Variants in LRRC37A3 observed in about 807,000 individuals in gnomAD.
LRRC37A3 encodes the protein leucine-rich repeat-containing protein 37A3.
A neutral mutation model predicts 106.2 loss-of-function variants in LRRC37A3; 25 were observed. The observed-to-expected ratio is 0.24, with a 90% CI of 0.17 to 0.33. LRRC37A3 has a LOEUF of 0.33. Among genes scored for constraint, LRRC37A3 ranks in the 10% least tolerant of loss-of-function variants. The pLI is 1.00. For missense variants in LRRC37A3, 712 were observed against 1,644.9 expected (o/e 0.43, Z 9.81); for synonymous variants, 305 against 635.8 (o/e 0.48, Z 7.83).
At chr17:64,866,267 A>T (rs1266378803) in intron 10 of LRRC37A3, among the ~76,000 whole-genome samples, 2 of 152,050 alleles carry the variant, frequency 1.3e-5, no homozygotes, top group Non-Finnish European at 2.9e-5. Context: ...GATCCAGCTG[A>T]CGGGGAAGAT....
At chr17:64,881,615 CAGA>C (rs1409487726) in intron 8 of LRRC37A3, among the ~76,000 whole-genome samples, 1 of 125,146 alleles carries the variant, frequency 8.0e-6, no homozygotes, top group Non-Finnish European at 1.6e-5. Context: ...TGAGCAACAA[CAGA>C]AGAAGCAAGG....
chr17:64,896,681 C>G lies in LRRC37A3; in HGVS notation c.577G>C (p.Gly193Arg), dbSNP rs369609994. Residue 193 changes from glycine to arginine, a missense_variant, in exon 4 of 15, where the codon GGT becomes CGT. Physicochemically the swap from Gly to Arg is moderately radical, Grantham distance 125. Coordinates refer to ENST00000584306, the MANE Select transcript of LRRC37A3 (RefSeq NM_199340.5). ...EYSSTDTPYP[G>R]SLPPELRVKS... ...ACCCGGAGTTCTGGAGGCAGGCTAC[C>G]GGGATACGGTGTATCTGTACTGGAA... The G allele has an allele frequency of 1.3e-6, 2 of 1,595,362 alleles. No homozygotes were observed. Among genetic ancestry groups the G allele is most frequent in the East Asian group, 2.2e-5 (1 of 44,770 alleles).
chr17:64,860,677 C>T lies in LRRC37A3; in HGVS notation c.3469G>A (p.Val1157Ile). The change falls in exon 12 of 15, where the codon GTA becomes ATA. Residue 1157 changes from valine (V) to isoleucine (I), a missense_variant. Physicochemically the swap from Val to Ile is conservative, Grantham distance 29 (BLOSUM62 3). Transcript: ENST00000584306. ...TTCAGTCTCTGCCGGTTTTTGCCTA[C>T]AGTTTGAATCTTTGCCAGGCTGTTT... ...TGNSLAKIQT[V>I]GKNRQRLNRV... 1 of 1,614,006 alleles carries T rather than the reference C, an allele frequency of 6.2e-7. No individual in the cohort carries two copies. The highest frequency in any genetic ancestry group is 8.5e-7 in the Non-Finnish European group (1 of 1,179,884).
At chr17:64,876,256 C>G (rs1973511088) in intron 8 of LRRC37A3, among the ~76,000 whole-genome samples, 1 of 152,228 alleles carries the variant, frequency 6.6e-6, no homozygotes, top group Non-Finnish European at 1.5e-5. Flanking sequence ...AATCATGGCT[C>G]ACTGCAGCCC....
chr17:64,875,904 G>C (rs934807542), intron 8 of LRRC37A3, among the ~76,000 whole-genome samples: 1 of 152,132 alleles, frequency 6.6e-6, no homozygotes, highest in Non-Finnish European at 1.5e-5. Flanking sequence ...TATAAAGGAG[G>C]GGGTGAGAGT....
intron 8 of LRRC37A3, among the ~76,000 whole-genome samples, chr17:64,880,516 T>C (rs149440660): frequency 0.015 from 2,242 of 152,304 alleles, 31 homozygotes; most frequent in Middle Eastern, 0.061. Context: ...ATTTTATACA[T>C]TAAACTAAGG....
intron 8 of LRRC37A3, among the ~76,000 whole-genome samples, chr17:64,876,206 A>T (rs1358619804): frequency 6.6e-6 from 1 of 152,130 alleles, no homozygotes; most frequent in Non-Finnish European, 1.5e-5. Flanking sequence ...ATTTTTCAAG[A>T]CAGGTTTTCA....
chr17:64,876,017 C>T lies in LRRC37A3; in HGVS notation c.2907-6851G>A, dbSNP rs546646970. ...TAAGATGTAGCTGAGACGACAGATG[C>T]GCACCACCACACTCGGCTAACTAAA... On this transcript the variant is annotated intron_variant, in intron 8 of 14. Coordinates refer to ENST00000584306, the MANE Select transcript of LRRC37A3 (RefSeq NM_199340.5). 4.9e-4 allele frequency among the ~76,000 whole-genome samples: 74 copies of T among 152,182 alleles called. No individual in the cohort carries two copies. The Middle Eastern group carries it at 0.014, about 28-fold the overall frequency.
intron 8 of LRRC37A3, among the ~76,000 whole-genome samples, chr17:64,882,745 T>A (rs988251238): frequency 6.6e-6 from 1 of 151,940 alleles, no homozygotes; most frequent in African/African-American, 2.4e-5. Flanking sequence ...ATTCTAATAG[T>A]GGGATAAATA....
At chr17:64,855,787 G>C (rs1343468188) in intron 14 of LRRC37A3, 53 bp downstream of exon 14, 2 of 1,608,576 alleles carry the variant, frequency 1.2e-6, no homozygotes, top group African/African-American at 2.7e-5. Flanking sequence ...GGCAACAAGA[G>C]GGAAACTCCG....
intron 2 of LRRC37A3, chr17:64,899,073 A>AGGTAT (rs1320775264): frequency 7.3e-6 from 1 of 136,694 alleles, no homozygotes; most frequent in Non-Finnish European, 1.5e-5. Flanking sequence ...ACAGAATGGC[A>AGGTAT]GGTATTTGTG....
chr17:64,862,812 T>A, intron 11 of LRRC37A3, 88 bp downstream of exon 11: 1 of 1,350,126 alleles, frequency 7.4e-7, no homozygotes, highest in Non-Finnish European at 1.0e-6. Flanking sequence ...ATTATGTCAT[T>A]AGCTTAAAAT....
Position 64,859,478 on chromosome 17 carries a change from T to C in LRRC37A3, c.4668A>G (p.Thr1556=), listed in dbSNP as rs1972794158. The C allele has an allele frequency of 6.2e-7, 1 of 1,611,416 alleles. No homozygotes were observed. Among genetic ancestry groups the C allele is most frequent in the Non-Finnish European group, 8.5e-7 (1 of 1,179,722 alleles). The change falls in exon 12 of 15, where the codon ACA becomes ACG. Residue 1556 remains threonine (T), a synonymous_variant. Coordinates refer to ENST00000584306, the MANE Select transcript of LRRC37A3 (RefSeq NM_199340.5). ...WKTENYINES[T]EAQSEQKEKS... The stretch of plus-strand genomic sequence containing the variant: ...TCTCTTTCTGTTCACTCTGGGCTTC[T>C]GTGCTCTCATTAATGTAGTTCTCAG...
In LRRC37A3 at chr17:64,893,704, C is replaced by T. The variant is rs1410393658; in HGVS notation, c.2609+945G>A. Among the ~76,000 whole-genome samples the T allele has an allele frequency of 2.3e-5, 3 of 133,118 alleles. 1 individual carries two copies. In the East Asian group the frequency reaches 6.3e-4, roughly 28 times the overall value. The allele number at this position is 133,118 out of a possible 152,430, so 87.3% of individuals were successfully genotyped here. A position where few individuals can be genotyped will look rare whatever the true frequency, so the allele number is the denominator to read the frequency against. ...TTGCTCTGTCGCCCAGGCTGGAGTG[C>T]AGTGGTGCAATCTCGGCTCACTGCA... On this transcript the variant is annotated intron_variant, in intron 4 of 14. Transcript: ENST00000584306.
At chr17:64,856,382 A>ATT (rs552690587) in intron 13 of LRRC37A3, among the ~76,000 whole-genome samples, 2 of 143,304 alleles carry the variant, frequency 1.4e-5, no homozygotes, top group African/African-American at 5.7e-5. Flanking sequence ...ACACCTGGCT[A>ATT]TTTTTTTTTT....
At chr17:64,873,082 C>G (rs1434100615) in intron 8 of LRRC37A3, among the ~76,000 whole-genome samples, 9 of 151,740 alleles carry the variant, frequency 5.9e-5, no homozygotes, top group Middle Eastern at 6.4e-3. Flanking sequence ...CGAGACTTTA[C>G]AGAAGAAGTT....
In LRRC37A3 at chr17:64,859,788, T is replaced by C; in HGVS notation, c.4358A>G (p.Asp1453Gly). The C allele has an allele frequency of 6.2e-7, 1 of 1,612,308 alleles. No homozygotes were observed. Among genetic ancestry groups the C allele is most frequent in the Non-Finnish European group, 8.5e-7 (1 of 1,179,952 alleles). The change falls in exon 12 of 15, where the codon GAC (aspartate) becomes GGC (glycine). Residue 1453 changes from aspartate to glycine, a missense_variant. By Grantham distance (94) the Asp-to-Gly change is moderately conservative (BLOSUM62 -1). Coordinates refer to ENST00000584306, the MANE Select transcript of LRRC37A3 (RefSeq NM_199340.5). ...GAAGCTTTTGGGCTCGGGGGACAGG[T>C]CAGTGCCCACGTTGTTGTATTCCCA... ...TKWEYNNVGT[D>G]LSPEPKSFNY...
Position 64,860,479 on chromosome 17 carries a change from G to T in LRRC37A3, c.3667C>A (p.Pro1223Thr). ...ELKQPHTQQG[P>T]EKLAGNAVYT... ...ACGGCGTTTCCCGCTAACTTCTCAG[G>T]CCCCTGCTGTGTGTGAGGCTGTTTC... The change falls in exon 12 of 15, where the codon CCT (proline) becomes ACT (threonine). Residue 1223 changes from proline to threonine, a missense_variant. Physicochemically the swap from Pro to Thr is conservative, Grantham distance 38. Transcript: ENST00000584306. 1 of 1,613,296 alleles carries T rather than the reference G, an allele frequency of 6.2e-7. No homozygotes were observed. Among genetic ancestry groups the T allele is most frequent in the Non-Finnish European group, 8.5e-7 (1 of 1,179,814 alleles).
At chr17:64,881,735 A>G (rs903484772) in intron 8 of LRRC37A3, among the ~76,000 whole-genome samples, 48 of 151,276 alleles carry the variant, frequency 3.2e-4, no homozygotes, top group African/African-American at 1.1e-3. Context: ...TACAGCACAA[A>G]GCAATTTGAG....
Sources: allele counts gnomAD v4.1 joint callset (sites outside exome capture counted in the v4.1 genomes callset), GRCh38; gene constraint gnomAD v4.1.1; transcripts MANE v1.5; gene names NCBI Gene and HGNC (gene_info 2026-07-23, HGNC 2026-07-21).